Variants in ADAM29 observed in about 807,000 individuals in gnomAD.
ADAM29 encodes the protein ADAM metallopeptidase domain 29.
For synonymous variants in ADAM29, 367 were observed against 342.3 expected, an observed-to-expected ratio of 1.07 and a Z score of -0.80; for missense variants, 969 against 1,001.8, an observed-to-expected ratio of 0.97 and a Z score of 0.44.
At chr4:174,953,579 T>C (rs1745314816) in intron 4 of ADAM29, among the ~76,000 whole-genome samples, 1 of 152,208 alleles carries the variant, frequency 6.6e-6, no homozygotes, top group Admixed American at 6.5e-5. Flanking sequence ...GAGAATACTT[T>C]AGACCTATCC....
intron 3 of ADAM29, among the ~76,000 whole-genome samples, chr4:174,936,154 T>C (rs1305408415): frequency 1.3e-5 from 2 of 152,048 alleles, no homozygotes; most frequent in Non-Finnish European, 2.9e-5. Flanking sequence ...TTCATTGTAT[T>C]CCTCTGAGAG....
At chr4:174,959,792 C>T (rs1745707763) in intron 4 of ADAM29, among the ~76,000 whole-genome samples, 1 of 151,066 alleles carries the variant, frequency 6.6e-6, no homozygotes. Flanking sequence ...GTTCATTAAA[C>T]ACATTCATTT....
In ADAM29 at chr4:174,940,603, T is replaced by G. The variant is rs535339223; in HGVS notation, c.-181+3590T>G. ...ACTAGGATCTTCTATTTTGCCAACATTCCTTGCCTATTTAAAAGTGATATT... is the reference window on the plus strand; with the variant it reads ...ACTAGGATCTTCTATTTTGCCAACAGTCCTTGCCTATTTAAAAGTGATATT... On this transcript the variant is annotated intron_variant, in intron 4 of 4. Transcript: ENST00000359240. Among the ~76,000 whole-genome samples the G allele has an allele frequency of 2.1e-4, 32 of 152,260 alleles. No individual in the cohort carries two copies. The East Asian group carries it at 6.0e-3, about 28-fold the overall frequency.
intron 4 of ADAM29, among the ~76,000 whole-genome samples, chr4:174,946,533 T>C (rs973927028): frequency 1.4e-4 from 21 of 152,160 alleles, no homozygotes; most frequent in African/African-American, 5.1e-4. Context: ...CAGTACCTTG[T>C]TGAATGAAAT....
At chr4:174,960,872 C>G (rs1324712764) in intron 4 of ADAM29, among the ~76,000 whole-genome samples, 1 of 152,120 alleles carries the variant, frequency 6.6e-6, no homozygotes, top group African/African-American at 2.4e-5. Context: ...CCAGTTTTCC[C>G]TGAAGACAGG....
chr4:174,957,672 A>G (rs1034049250), intron 4 of ADAM29, among the ~76,000 whole-genome samples: 1 of 151,798 alleles, frequency 6.6e-6, no homozygotes, highest in African/African-American at 2.4e-5. Context: ...TTTAATAGAT[A>G]GAGGGCTGTT....
intron 4 of ADAM29, among the ~76,000 whole-genome samples, chr4:174,966,796 C>T (rs917102661): frequency 3.3e-5 from 5 of 152,218 alleles, no homozygotes; most frequent in Admixed American, 3.3e-4. Context: ...CTCTGAATTG[C>T]CTTTGGGATA....
At chr4:174,958,307 G>T (rs970314012) in intron 4 of ADAM29, among the ~76,000 whole-genome samples, 15 of 151,598 alleles carry the variant, frequency 9.9e-5, no homozygotes, top group Admixed American at 8.6e-4. Flanking sequence ...GTTCTATCAG[G>T]TTTTCCCTCA....
intron 4 of ADAM29, 66 bp downstream of exon 4, chr4:174,937,079 A>G (rs1463839110): frequency 6.6e-6 from 1 of 152,024 alleles, no homozygotes; most frequent in Non-Finnish European, 1.5e-5. Flanking sequence ...ACAATAAAAC[A>G]CACATTTTAA....
intron 2 of ADAM29, chr4:174,923,871 T>A (rs1212481601): frequency 6.6e-6 from 1 of 152,560 alleles, no homozygotes; most frequent in Non-Finnish European, 1.5e-5. Context: ...GTCTAAGTTC[T>A]CACACTCTGC....
rs770828113 is a variant in ADAM29 at position 174,975,649 on chromosome 4, A to G, written c.124A>G (p.Thr42Ala). 2.7e-5 allele frequency: 43 copies of G among 1,612,980 alleles called. 1 individual carries two copies. In the Middle Eastern group the frequency reaches 2.5e-3, roughly 93 times the overall value. Residue 42 changes from threonine (T) to alanine (A), a missense_variant, in exon 5 of 5, where the codon ACC becomes GCC. Thr to Ala is a moderately conservative substitution (Grantham distance 58). Transcript: ENST00000359240. ...DVVIPVRITG[T>A]TRGMTPPGWL... ...GGTGATTCCTGTGAGGATAACTGGC[A>G]CCACCAGAGGCATGACACCTCCAGG...
At chr4:174,964,812 CTTA>C (rs1240160358) in intron 4 of ADAM29, among the ~76,000 whole-genome samples, 1 of 151,834 alleles carries the variant, frequency 6.6e-6, no homozygotes, top group African/African-American at 2.4e-5. Context: ...TTATGGGTAC[CTTA>C]TTTTTTAAAA....
At chr4:174,923,807 A>G (rs1482514539) in intron 2 of ADAM29, 1 of 152,204 alleles carries the variant, frequency 6.6e-6, no homozygotes, top group African/African-American at 2.4e-5. Flanking sequence ...AACTGTATTT[A>G]TATGCCTACC....
chr4:174,977,470 G>A lies in ADAM29; in HGVS notation c.1945G>A (p.Asp649Asn). 6.2e-7 allele frequency: 1 copy of A among 1,614,018 alleles called. No individual in the cohort carries two copies. Among genetic ancestry groups the A allele is most frequent in the Non-Finnish European group, 8.5e-7 (1 of 1,179,980 alleles). Residue 649 changes from aspartate (D) to asparagine (N), a missense_variant, in exon 5 of 5, where the codon GAC (aspartate) becomes AAC (asparagine). Physicochemically the swap from Asp to Asn is conservative, Grantham distance 23. Transcript: ENST00000359240. ...TCACTGCCATTGCAATTATCTGTGG[G>A]ACCCTCCCAACTGCCTGATAAAAGG... ...KHHCHCNYLW[D>N]PPNCLIKGYG...
intron 4 of ADAM29, among the ~76,000 whole-genome samples, chr4:174,948,921 C>A (rs1745007071): frequency 6.6e-6 from 1 of 152,086 alleles, no homozygotes; most frequent in East Asian, 1.9e-4. Context: ...GCTGGGTGAG[C>A]TTGTGCTGGC....
intron 4 of ADAM29, among the ~76,000 whole-genome samples, chr4:174,953,214 A>C (rs6839441): frequency 0.42 from 63,384 of 151,748 alleles, 13,767 homozygotes; most frequent in African/African-American, 0.53. Context: ...TGAACCCAGG[A>C]GGCGGAGCTT....
At chr4:174,965,127 A>G (rs1290999191) in intron 4 of ADAM29, among the ~76,000 whole-genome samples, 2 of 152,154 alleles carry the variant, frequency 1.3e-5, no homozygotes, top group Non-Finnish European at 2.9e-5. Flanking sequence ...ATAATTTATA[A>G]AGAAAAGAGG....
At chr4:174,959,377 C>G (rs1745681223) in intron 4 of ADAM29, among the ~76,000 whole-genome samples, 1 of 151,476 alleles carries the variant, frequency 6.6e-6, no homozygotes, top group Non-Finnish European at 1.5e-5. Context: ...TTACCAGCTT[C>G]CTTCAAGACC....
intron 4 of ADAM29, among the ~76,000 whole-genome samples, chr4:174,972,538 G>C (rs576490058): frequency 3.8e-4 from 58 of 152,248 alleles, no homozygotes; most frequent in African/African-American, 1.4e-3. Flanking sequence ...AGAGTGGCAA[G>C]TCTCTTACCA....
Sources: gnomAD v4.1 joint callset for allele counts (sites outside exome capture counted in the v4.1 genomes callset) on GRCh38, gnomAD v4.1.1 for gene constraint, MANE v1.5 for transcripts, NCBI Gene and HGNC (gene_info 2026-07-23, HGNC 2026-07-21) for gene names.